PDE3A: variants seen among roughly 807,000 people sequenced by gnomAD.
PDE3A encodes the protein cGMP-inhibited 3',5'-cyclic phosphodiesterase 3A.
In PDE3A, 43 loss-of-function variants were observed where a neutral mutation model predicts 98.3. The ratio of observed to expected loss-of-function variants is 0.44; its 90% CI spans 0.34 to 0.56. The LOEUF is 0.56. Ranked by LOEUF, PDE3A falls within the 20% of genes least tolerant of loss-of-function variation. PDE3A has a pLI of 0.01. For synonymous variants in PDE3A, 663 were observed against 567.9 expected (o/e 1.17, Z -2.38); for missense variants, 1,427 against 1,440.7 (o/e 0.99, Z 0.15).
chr12:20,508,305 A>T (rs973701813), intron 1 of PDE3A, among the ~76,000 whole-genome samples: 4 of 151,692 alleles, frequency 2.6e-5, no homozygotes, highest in African/African-American at 9.7e-5. Context: ...CCCCCATAAT[A>T]CCAGCCCTCT....
intron 1 of PDE3A, among the ~76,000 whole-genome samples, chr12:20,391,834 G>A (rs1464943723): frequency 6.6e-6 from 1 of 151,762 alleles, no homozygotes; most frequent in Non-Finnish European, 1.5e-5. Context: ...CCAGAATCTG[G>A]TACAACAGAT....
intron 1 of PDE3A, among the ~76,000 whole-genome samples, chr12:20,505,513 A>G (rs563461835): frequency 6.6e-6 from 1 of 152,188 alleles, no homozygotes; most frequent in South Asian, 2.1e-4. Flanking sequence ...TGTTTTATTT[A>G]CTTTAATGTA....
At chr12:20,669,856 C>T (rs1391088561) in intron 15 of PDE3A, among the ~76,000 whole-genome samples, 16 of 151,730 alleles carry the variant, frequency 1.1e-4, no homozygotes, top group African/African-American at 3.2e-4. Flanking sequence ...ACAATATTAA[C>T]TTTAAATGTA....
chr12:20,493,264 T>C (rs1333718602), intron 1 of PDE3A, among the ~76,000 whole-genome samples: 2 of 152,178 alleles, frequency 1.3e-5, no homozygotes. Context: ...TATGTACATA[T>C]ACATATATGG....
Position 20,369,879 on chromosome 12 carries a change from G to A in PDE3A, c.595G>A (p.Ala199Thr). 1 of 1,613,018 alleles carries A rather than the reference G, an allele frequency of 6.2e-7. No homozygotes were observed. Among genetic ancestry groups the A allele is most frequent in the Non-Finnish European group, 8.5e-7 (1 of 1,179,730 alleles). ...CGCGGGGGTGGTGCTCAGCTGCTTG[G>A]CCGCCGCGACATGGCTGGTGCTGAG... is the stretch of plus-strand genomic sequence containing the variant. ...PAAGVVLSCL[A>T]AATWLVLRLR... is the part of the protein sequence containing the mutation. Residue 199 changes from alanine to threonine, a missense_variant, in exon 1 of 16, where the codon GCC becomes ACC. This residue lies in a region of PDE3A where 1,012 missense variants were observed against 886.5 expected (regional missense o/e 1.14). Coordinates refer to ENST00000359062, the MANE Select transcript of PDE3A (RefSeq NM_000921.5).
intron 2 of PDE3A, among the ~76,000 whole-genome samples, chr12:20,570,687 G>C (rs1386611493): frequency 2.6e-5 from 4 of 152,228 alleles, no homozygotes. Context: ...TTGTTTCTGA[G>C]CAGTCATGAA....
chr12:20,554,391 A>G (rs1011675927), intron 1 of PDE3A, among the ~76,000 whole-genome samples: 17 of 138,046 alleles, frequency 1.2e-4, no homozygotes, highest in African/African-American at 4.3e-4. Context: ...ATAAAAAAAG[A>G]TTTAGATTTA....
intron 1 of PDE3A, among the ~76,000 whole-genome samples, chr12:20,548,664 G>A (rs565018981): frequency 1.3e-5 from 2 of 152,144 alleles, no homozygotes; most frequent in South Asian, 4.1e-4. Flanking sequence ...TAAGTAGCAT[G>A]CTGCTATTCA....
In PDE3A at chr12:20,412,548, CG is replaced by C. The variant is rs1383400827; in HGVS notation, c.960+42305del. On this transcript the variant is annotated intron_variant, in intron 1 of 15. Transcript: ENST00000359062. The stretch of plus-strand genomic sequence containing the variant: ...ATACATATGTAAGAAAGTGAAAAAC[CG>C]ACAGACAGACAAAACCCACCTAAGT... Among the ~76,000 whole-genome samples, 511 of 152,030 alleles carry C rather than the reference CG, an allele frequency of 3.4e-3. 1 individual carries two copies. The highest frequency in any genetic ancestry group is 6.3e-3 in the Non-Finnish European group (428 of 67,974).
Position 20,581,914 on chromosome 12 carries a change from CTG to C in PDE3A, c.1011+25207_1011+25208del, listed in dbSNP as rs554660449. ...TCTAAATGTAAAATCTATAGAGAAA[CTG>C]TGGAACACCAGAATTATAAAATTGG... On this transcript the variant is annotated intron_variant, in intron 2 of 15. Transcript: ENST00000359062. 2.9e-3 allele frequency among the ~76,000 whole-genome samples: 444 copies of C among 152,230 alleles called. 8 individuals carry two copies. The highest frequency in any genetic ancestry group is 4.4e-3 in the East Asian group (23 of 5,170).
intron 1 of PDE3A, among the ~76,000 whole-genome samples, chr12:20,409,215 A>G (rs913348453): frequency 3.9e-5 from 6 of 152,230 alleles, no homozygotes; most frequent in Middle Eastern, 3.4e-3. Flanking sequence ...CACATTCTTA[A>G]TAGTTGTTAT....
chr12:20,452,961 C>T (rs897526223), intron 1 of PDE3A, among the ~76,000 whole-genome samples: 1 of 152,202 alleles, frequency 6.6e-6, no homozygotes, highest in African/African-American at 2.4e-5. Context: ...TGCAGTACTT[C>T]CTCAATGCTG....
At chr12:20,452,698 A>G (rs1210157091) in intron 1 of PDE3A, among the ~76,000 whole-genome samples, 1 of 152,144 alleles carries the variant, frequency 6.6e-6, no homozygotes, top group Non-Finnish European at 1.5e-5. Flanking sequence ...CACCTGGGGG[A>G]ATGCTGGTAG....
chr12:20,503,617 A>G (rs970852374), intron 1 of PDE3A, among the ~76,000 whole-genome samples: 3 of 151,996 alleles, frequency 2.0e-5, no homozygotes, highest in Non-Finnish European at 2.9e-5. Context: ...TTGAATTTCT[A>G]TTTTTTGAGA....
intron 1 of PDE3A, among the ~76,000 whole-genome samples, chr12:20,533,789 A>G (rs1291240829): frequency 6.7e-6 from 1 of 150,010 alleles, no homozygotes; most frequent in Non-Finnish European, 1.5e-5. Context: ...CCCGGCCCCC[A>G]CTTTCTTACA....
intron 4 of PDE3A, among the ~76,000 whole-genome samples, chr12:20,617,704 T>C (rs1944038800): frequency 6.6e-6 from 1 of 152,170 alleles, no homozygotes; most frequent in East Asian, 1.9e-4. Flanking sequence ...TGTCATAGTA[T>C]AGGTAATGCT....
rs138110169 is a variant in PDE3A at position 20,495,636 on chromosome 12, G to A, written c.961-61024G>A. ...CTTGTTAGACATTTTTGTTGTTTTC[G>A]ACTTTTCCCTACTACAATTAATAAT... is the stretch of plus-strand genomic sequence containing the variant. On this transcript the variant is annotated intron_variant, in intron 1 of 15. Transcript: ENST00000359062. Among the ~76,000 whole-genome samples, 116 of 151,668 alleles carry A rather than the reference G, an allele frequency of 7.6e-4. 1 individual carries two copies. Among genetic ancestry groups the A allele is most frequent in the African/African-American group, 2.8e-3 (114 of 41,322 alleles).
chr12:20,371,692 C>A (rs1231263788), intron 1 of PDE3A, among the ~76,000 whole-genome samples: 3 of 152,062 alleles, frequency 2.0e-5, no homozygotes, highest in Non-Finnish European at 4.4e-5. Context: ...TTCGATAAAA[C>A]AAATGTTTCT....
intron 1 of PDE3A, among the ~76,000 whole-genome samples, chr12:20,546,168 C>T (rs1565584337): frequency 6.6e-6 from 1 of 151,976 alleles, no homozygotes; most frequent in Non-Finnish European, 1.5e-5. Context: ...TCAGCACCAC[C>T]TGTATTAGGT....
Sources: allele counts gnomAD v4.1 joint callset (sites outside exome capture counted in the v4.1 genomes callset), GRCh38; gene constraint gnomAD v4.1.1; regional missense constraint gnomAD v4.1.1; transcripts MANE v1.5; gene names NCBI Gene and HGNC (gene_info 2026-07-23, HGNC 2026-07-21).